The following GALNT17 variants were observed in gnomAD, a reference collection of about 807,000 sequenced individuals.
The protein encoded by GALNT17 is polypeptide N-acetylgalactosaminyltransferase 17.
A neutral mutation model predicts 63.7 loss-of-function variants in GALNT17; 29 were observed. The observed-to-expected ratio is 0.46, with a 90% CI of 0.34 to 0.62. GALNT17 has a LOEUF of 0.62. Among genes scored for constraint, GALNT17 ranks in the 20% least tolerant of loss-of-function variants. GALNT17 has a pLI of 0.01. For missense variants in GALNT17, 603 were observed against 799.6 expected (o/e 0.75, Z 2.97); for synonymous variants, 305 against 318.3 (o/e 0.96, Z 0.45).
At position 71,613,406 on chromosome 7, in the gene GALNT17, C is replaced by T. The variant is rs540438258; in HGVS notation, c.1080+42004C>T. On this transcript the variant is annotated intron_variant, in intron 6 of 10. Coordinates refer to ENST00000333538, the MANE Select transcript of GALNT17 (RefSeq NM_022479.3). ...GACCGTTTGTCAGACAGCAAAGAAA[C>T]AGAGCAATCACATTAAGGAAATCAA... 4.6e-5 allele frequency among the ~76,000 whole-genome samples: 7 copies of T among 152,248 alleles called. No homozygotes were observed. In the South Asian group the frequency reaches 8.3e-4, roughly 18 times the overall value.
intron 9 of GALNT17, among the ~76,000 whole-genome samples, chr7:71,706,119 G>A (rs1227151045): frequency 6.6e-6 from 1 of 152,146 alleles, no homozygotes; most frequent in South Asian, 2.1e-4. Context: ...CCACAGTACT[G>A]GCTTCTAACT....
rs534632458 is a variant in GALNT17, at chr7:71,446,841, G to A, written c.962+25736G>A. On this transcript the variant is annotated intron_variant, in intron 5 of 10. Transcript: ENST00000333538. Reference sequence around the variant, plus strand: ...TGGGATTACAGGCATGAACCACTGCGGCCGACTCTATTCTTTTAAATATGC... The same window carrying A: ...TGGGATTACAGGCATGAACCACTGCAGCCGACTCTATTCTTTTAAATATGC... 1.5e-4 allele frequency among the ~76,000 whole-genome samples: 23 copies of A among 152,224 alleles called. 1 individual carries two copies. Among genetic ancestry groups the A allele is most frequent in the Admixed American group, 1.2e-3 (18 of 15,298 alleles).
intron 6 of GALNT17, among the ~76,000 whole-genome samples, chr7:71,595,251 G>A (rs2116924406): frequency 6.6e-6 from 1 of 152,156 alleles, no homozygotes. Context: ...GCAAGACCCT[G>A]TCCATACAAA....
chr7:71,156,151 G>A lies in GALNT17; in HGVS notation c.238+23111G>A, dbSNP rs193112869. ...GCAGAGGTTGCGGTGAGCTGAGATC[G>A]TGCCATTGCACTCCAGCCTGGGCAC... On this transcript the variant is annotated intron_variant, in intron 1 of 10. Coordinates refer to ENST00000333538, the MANE Select transcript of GALNT17 (RefSeq NM_022479.3). Among the ~76,000 whole-genome samples, 14 of 151,538 alleles carry A rather than the reference G, an allele frequency of 9.2e-5. No individual in the cohort carries two copies. The East Asian group carries it at 2.1e-3, about 23-fold the overall frequency.
At chr7:71,151,184 C>G (rs1788126377) in intron 1 of GALNT17, among the ~76,000 whole-genome samples, 1 of 152,158 alleles carries the variant, frequency 6.6e-6, no homozygotes. Context: ...GCCAGGCTGT[C>G]TACTCTCCTT....
chr7:71,289,769 C>T (rs970238754), intron 1 of GALNT17, among the ~76,000 whole-genome samples: 6 of 151,946 alleles, frequency 3.9e-5, no homozygotes, highest in Admixed American at 6.6e-5. Flanking sequence ...ATCCCAGCTA[C>T]TTGGGAGGCT....
At chr7:71,336,834 T>C (rs1391657050) in intron 2 of GALNT17, among the ~76,000 whole-genome samples, 1 of 152,236 alleles carries the variant, frequency 6.6e-6, no homozygotes, top group Admixed American at 6.5e-5. Context: ...GAACAATTTA[T>C]ATTCCTTTGG....
At chr7:71,400,675 C>T (rs929029392) in intron 3 of GALNT17, among the ~76,000 whole-genome samples, 9 of 152,120 alleles carry the variant, frequency 5.9e-5, no homozygotes, top group Admixed American at 3.3e-4. Context: ...GACTCTGTCC[C>T]AAAGTATGGT....
chr7:71,351,207 CAGAA>C (rs992343018), intron 2 of GALNT17, among the ~76,000 whole-genome samples: 4 of 151,954 alleles, frequency 2.6e-5, no homozygotes, highest in African/African-American at 9.7e-5. Flanking sequence ...CCTCTCTGGA[CAGAA>C]AGAATAGTGC....
chr7:71,609,795 CTTAA>C (rs1050755198), intron 6 of GALNT17, among the ~76,000 whole-genome samples: 46 of 151,964 alleles, frequency 3.0e-4, no homozygotes, highest in Admixed American at 2.0e-4. Context: ...TCAATAATAA[CTTAA>C]TTATTACTAA....
chr7:71,542,540 C>CA (rs1227633429), intron 5 of GALNT17, among the ~76,000 whole-genome samples: 6 of 151,608 alleles, frequency 4.0e-5, no homozygotes, highest in Non-Finnish European at 8.8e-5. Flanking sequence ...ACTAAAAATA[C>CA]AAAAAATTAG....
At chr7:71,688,200 T>C (rs922345059) in intron 9 of GALNT17, among the ~76,000 whole-genome samples, 5 of 152,198 alleles carry the variant, frequency 3.3e-5, no homozygotes, top group Admixed American at 3.3e-4. Context: ...ATGCAACACT[T>C]ATAAATTCGT....
Position 71,463,052 on chromosome 7 carries a change from G to A in GALNT17, c.962+41947G>A, listed in dbSNP as rs559122938. ...AATCCATCGCCTCAAGGAATTGGTG[G>A]TTAGGGGTTTTGAGGGTTCTGGAAT... On this transcript the variant is annotated intron_variant, in intron 5 of 10. Coordinates refer to ENST00000333538, the MANE Select transcript of GALNT17 (RefSeq NM_022479.3). Among the ~76,000 whole-genome samples the A allele has an allele frequency of 7.9e-5, 12 of 152,298 alleles. No individual in the cohort carries two copies. In the South Asian group the frequency reaches 1.2e-3, roughly 16 times the overall value.
rs1015133670 is a variant in GALNT17, at chr7:71,503,639, C to T, written c.963-67646C>T. On this transcript the variant is annotated intron_variant, in intron 5 of 10. Coordinates refer to ENST00000333538, the MANE Select transcript of GALNT17 (RefSeq NM_022479.3). ...CTGAAATTCAATGTAGCCAAGATTTCAGTACTGTATTCCTCTTTCTACCTG... is the reference window on the plus strand; with the variant it reads ...CTGAAATTCAATGTAGCCAAGATTTTAGTACTGTATTCCTCTTTCTACCTG... Among the ~76,000 whole-genome samples, 18 of 152,282 alleles carry T rather than the reference C, an allele frequency of 1.2e-4. 1 individual carries two copies. Among genetic ancestry groups the T allele is most frequent in the Non-Finnish European group, 5.9e-5 (4 of 68,030 alleles).
chr7:71,669,986 C>G lies in GALNT17; in HGVS notation c.1281C>G (p.Asp427Glu). 6.2e-7 allele frequency: 1 copy of G among 1,614,116 alleles called. No individual in the cohort carries two copies. The highest frequency in any genetic ancestry group is 8.5e-7 in the Non-Finnish European group (1 of 1,180,012). Reference sequence around the variant, plus strand: ...TCTCCTTTCAGAATCCGGGAATTGACATCGGTGATGTCTCCGAAAGAAGAG... The same window carrying G: ...TCTCCTTTCAGAATCCGGGAATTGAGATCGGTGATGTCTCCGAAAGAAGAG... ...WNLPLENPGI[D>E]IGDVSERRAL... is the part of the protein sequence containing the mutation. Residue 427 changes from aspartate to glutamate, a missense_variant, in exon 8 of 11, where the codon GAC becomes GAG. By Grantham distance (45) the Asp-to-Glu change is conservative. This residue lies in a region of GALNT17 where 336 missense variants were observed against 507.8 expected (regional missense o/e 0.66). Coordinates refer to ENST00000333538, the MANE Select transcript of GALNT17 (RefSeq NM_022479.3).
intron 1 of GALNT17, among the ~76,000 whole-genome samples, chr7:71,182,090 A>G (rs918286443): frequency 4.6e-5 from 7 of 151,828 alleles, no homozygotes; most frequent in African/African-American, 1.7e-4. Flanking sequence ...CAGAAGAATC[A>G]CTTGAACCCC....
intron 9 of GALNT17, among the ~76,000 whole-genome samples, chr7:71,679,688 G>A (rs1453880981): frequency 6.6e-6 from 1 of 152,108 alleles, no homozygotes; most frequent in East Asian, 2.0e-4. Context: ...AGGCAGCAGA[G>A]AGGTGGAGAG....
chr7:71,192,949 C>T (rs1347186347), intron 1 of GALNT17, among the ~76,000 whole-genome samples: 15 of 151,972 alleles, frequency 9.9e-5, no homozygotes, highest in South Asian at 6.2e-4. Flanking sequence ...TGATCCTCTG[C>T]GATCAACCTC....
chr7:71,232,467 G>T (rs546013555), intron 1 of GALNT17, among the ~76,000 whole-genome samples: 1 of 152,050 alleles, frequency 6.6e-6, no homozygotes, highest in Non-Finnish European at 1.5e-5. Flanking sequence ...CACAGATATA[G>T]GGCATAGGAA....
Sources: allele counts gnomAD v4.1 joint callset (sites outside exome capture counted in the v4.1 genomes callset), GRCh38; gene constraint gnomAD v4.1.1; regional missense constraint gnomAD v4.1.1; transcripts MANE v1.5; gene names NCBI Gene and HGNC (gene_info 2026-07-23, HGNC 2026-07-21).